Variants in ARID2 observed in about 807,000 individuals in gnomAD.
ARID2 encodes the protein AT-rich interaction domain 2.
A neutral mutation model predicts 184.6 loss-of-function variants in ARID2; 32 were observed. The observed-to-expected ratio is 0.17, with a 90% CI of 0.13 to 0.23. The LOEUF (loss-of-function observed/expected upper bound fraction) is 0.23. Among genes scored for constraint, ARID2 ranks in the 10% least tolerant of loss-of-function variants. The pLI, the probability that ARID2 is intolerant of heterozygous loss-of-function variation, is 1.00. For synonymous variants in ARID2, 836 were observed against 772.6 expected (o/e 1.08, Z -1.36); for missense variants, 1,696 against 2,197.6 (o/e 0.77, Z 4.56).
rs375236203 is a variant in ARID2, at chr12:45,741,860, C to A, written c.284+10546C>A. On this transcript the variant is annotated intron_variant, in intron 3 of 20. Coordinates refer to ENST00000334344, the MANE Select transcript of ARID2 (RefSeq NM_152641.4). ...TACTGGGTTATTTTTTCTTCTAGGG[C>A]CTTTTAGAGAACAGAACTGGGGAAA... Among the ~76,000 whole-genome samples the A allele has an allele frequency of 1.2e-4, 18 of 152,160 alleles. No homozygotes were observed. In the East Asian group the frequency reaches 2.3e-3, roughly 20 times the overall value.
rs1565622779 is a variant in ARID2, at chr12:45,850,774, C to T, written c.2651C>T (p.Pro884Leu). ...TGQMVTIAGV[P>L]SPQASRVGFQ... ...CAAATGGTTACTATTGCTGGTGTCC[C>T]AAGTCCACAAGCCTCAAGGGTAGGG... The change falls in exon 15 of 21, where the codon CCA becomes CTA. Residue 884 changes from proline to leucine, a missense_variant. Physicochemically the swap from Pro to Leu is moderately conservative, Grantham distance 98. This residue lies in a region of ARID2 where 713 missense variants were observed against 824.4 expected (regional missense o/e 0.86). Coordinates refer to ENST00000334344, the MANE Select transcript of ARID2 (RefSeq NM_152641.4). 1.2e-6 allele frequency: 2 copies of T among 1,614,090 alleles called. No homozygotes were observed. Among genetic ancestry groups the T allele is most frequent in the Non-Finnish European group, 1.7e-6 (2 of 1,180,004 alleles).
chr12:45,815,202 T>C (rs1942784796), intron 4 of ARID2, among the ~76,000 whole-genome samples: 2 of 152,210 alleles, frequency 1.3e-5, no homozygotes, highest in South Asian at 4.1e-4. Flanking sequence ...AATATAAAAA[T>C]GTAAATTAAT....
intron 11 of ARID2, 42 bp from the exon 12 acceptor site, chr12:45,846,814 A>G (rs753338236): frequency 3.1e-6 from 5 of 1,590,202 alleles, no homozygotes; most frequent in Non-Finnish European, 4.3e-6. Flanking sequence ...AATAGTGACT[A>G]ACTTTTAAGA....
At chr12:45,882,702 A>G (rs551887788) in intron 16 of ARID2, among the ~76,000 whole-genome samples, 35 of 152,378 alleles carry the variant, frequency 2.3e-4, no homozygotes, top group African/African-American at 8.2e-4. Context: ...ATCAGTAGTT[A>G]GATTGATCAA....
At chr12:45,768,653 G>A (rs978817915) in intron 3 of ARID2, among the ~76,000 whole-genome samples, 1 of 152,174 alleles carries the variant, frequency 6.6e-6, no homozygotes, top group African/African-American at 2.4e-5. Flanking sequence ...GGTAGGTGCA[G>A]TGGAGATAAA....
chr12:45,849,021 C>T (rs1943492437), intron 13 of ARID2, 51 bp downstream of exon 13: 1 of 1,552,658 alleles, frequency 6.4e-7, no homozygotes, highest in South Asian at 1.2e-5. Flanking sequence ...CTTACAACAT[C>T]TCTTGCTCTT....
chr12:45,853,761 G>C (rs1371317372), intron 15 of ARID2, among the ~76,000 whole-genome samples: 1 of 152,162 alleles, frequency 6.6e-6, no homozygotes, highest in African/African-American at 2.4e-5. Context: ...CACAGTTCTG[G>C]CTTGGGCTTC....
intron 11 of ARID2, among the ~76,000 whole-genome samples, chr12:45,846,348 C>T (rs1365071799): frequency 6.6e-6 from 1 of 152,132 alleles, no homozygotes; most frequent in African/African-American, 2.4e-5. Context: ...ATGCCACTTA[C>T]AGAGTTATTA....
chr12:45,872,687 G>A (rs559318693), intron 16 of ARID2, among the ~76,000 whole-genome samples: 2 of 152,192 alleles, frequency 1.3e-5, no homozygotes, highest in East Asian at 3.8e-4. Flanking sequence ...AACCGCATGG[G>A]TGGGGACACA....
chr12:45,851,055 C>G lies in ARID2; in HGVS notation c.2932C>G (p.Pro978Ala), dbSNP rs762144914. Residue 978 changes from proline (P) to alanine (A), a missense_variant, in exon 15 of 21, where the codon CCA becomes GCA. By Grantham distance (27) the Pro-to-Ala change is conservative. Coordinates refer to ENST00000334344, the MANE Select transcript of ARID2 (RefSeq NM_152641.4). ...TCCATCTTCTTCACCATCACCTGTC[C>G]CAGCTACTAATAACCAAGTCCCTAC... The part of the protein sequence containing the change: ...ITPSSSPSPV[P>A]ATNNQVPTAM... 6.2e-7 allele frequency: 1 copy of G among 1,614,148 alleles called. No individual in the cohort carries two copies. The highest frequency in any genetic ancestry group is 8.5e-7 in the Non-Finnish European group (1 of 1,180,014).
At chr12:45,761,824 A>G (rs1383114904) in intron 3 of ARID2, among the ~76,000 whole-genome samples, 3 of 151,518 alleles carry the variant, frequency 2.0e-5, no homozygotes, top group African/African-American at 2.4e-5. Flanking sequence ...TTCTTTGCTT[A>G]TAGAATTCCT....
At chr12:45,796,552 C>T (rs1030752595) in intron 3 of ARID2, among the ~76,000 whole-genome samples, 2 of 151,334 alleles carry the variant, frequency 1.3e-5, no homozygotes, top group Non-Finnish European at 2.9e-5. Context: ...ATTGCTCTGT[C>T]GTCCAGGCTG....
At position 45,729,819 on chromosome 12, in the gene ARID2, A is replaced by G; in HGVS notation, c.-18A>G. 1 of 1,597,562 alleles carries G rather than the reference A, an allele frequency of 6.3e-7. No homozygotes were observed. Among genetic ancestry groups the G allele is most frequent in the Non-Finnish European group, 8.5e-7 (1 of 1,172,326 alleles). ...AAACACCGATCTGGGTTTTTTAAAA[A>G]CCTCCTTTGAAAAAATAATGGCAAA... On this transcript the variant is annotated 5_prime_UTR_variant, in exon 1 of 21. Coordinates refer to ENST00000334344, the MANE Select transcript of ARID2 (RefSeq NM_152641.4).
In ARID2 at chr12:45,837,344, C is replaced by A; in HGVS notation, c.1047C>A (p.Phe349Leu). Reference protein sequence around the residue: ...AAELLLDPVDFKTTHLMFHTV... With the variant: ...AAELLLDPVDLKTTHLMFHTV... ...AGCTTTTACTGGACCCTGTTGATTT[C>A]AAAACTACTCATCTGATGTTTCATA... The change falls in exon 9 of 21, where the codon TTC becomes TTA. Residue 349 changes from phenylalanine (F) to leucine (L), a missense_variant. Physicochemically the swap from Phe to Leu is conservative, Grantham distance 22. Transcript: ENST00000334344. The A allele has an allele frequency of 1.2e-6, 2 of 1,609,950 alleles. No homozygotes were observed. The highest frequency in any genetic ancestry group is 1.1e-5 in the South Asian group (1 of 89,730).
Position 45,767,689 on chromosome 12 carries a change from A to G in ARID2, c.284+36375A>G, listed in dbSNP as rs139905495. The stretch of plus-strand genomic sequence containing the variant: ...TGAAACAAAACAAAACAAAACTCTC[A>G]GTTCTGGGGAGAACGATGGTGTGTG... On this transcript the variant is annotated intron_variant, in intron 3 of 20. Transcript: ENST00000334344. Among the ~76,000 whole-genome samples the G allele has an allele frequency of 7.7e-3, 1,177 of 152,288 alleles. 19 individuals are homozygous for G. The highest frequency in any genetic ancestry group is 0.067 in the South Asian group (325 of 4,820).
At chr12:45,895,995 A>C (rs527471434) in intron 20 of ARID2, among the ~76,000 whole-genome samples, 1 of 152,332 alleles carries the variant, frequency 6.6e-6, no homozygotes, top group East Asian at 1.9e-4. Context: ...TGGAAGACTT[A>C]ATTTAGGTGA....
chr12:45,736,095 G>A (rs1056115987), intron 3 of ARID2, among the ~76,000 whole-genome samples: 4 of 152,016 alleles, frequency 2.6e-5, no homozygotes, highest in Non-Finnish European at 5.9e-5. Flanking sequence ...GGTGGCTCAC[G>A]CCCTGTAATC....
At chr12:45,863,677 C>T (rs1489738595) in intron 16 of ARID2, among the ~76,000 whole-genome samples, 1 of 147,962 alleles carries the variant, frequency 6.8e-6, no homozygotes, top group African/African-American at 2.4e-5. Context: ...TTATTGTAAA[C>T]TGCTTTGTAT....
rs1943555183 is a variant in ARID2, at chr12:45,851,787, G to A, written c.3664G>A (p.Ala1222Thr). The A allele has an allele frequency of 6.2e-7, 1 of 1,614,108 alleles. No individual in the cohort carries two copies. The highest frequency in any genetic ancestry group is 1.3e-5 in the African/African-American group (1 of 75,018). The part of the protein sequence containing the change: ...LPVQTLPATQ[A>T]SPAGQSSCTT... ...AGTACAAACGCTTCCAGCCACTCAAGCATCTCCTGCTGGACAATCATCATG... is the reference window on the plus strand; with the variant it reads ...AGTACAAACGCTTCCAGCCACTCAAACATCTCCTGCTGGACAATCATCATG... The change falls in exon 15 of 21, where the codon GCA becomes ACA. Residue 1222 changes from alanine (A) to threonine (T), a missense_variant. By Grantham distance (58) the Ala-to-Thr change is moderately conservative. Around this residue, in one of 11 missense-constraint regions of ARID2, gnomAD observed 428 missense variants for 409.1 expected, o/e 1.05. Coordinates refer to ENST00000334344, the MANE Select transcript of ARID2 (RefSeq NM_152641.4).
Sources: gnomAD v4.1 joint callset for allele counts (sites outside exome capture counted in the v4.1 genomes callset) on GRCh38, gnomAD v4.1.1 for gene constraint, gnomAD v4.1.1 regional missense constraint, MANE v1.5 for transcripts, NCBI Gene and HGNC (gene_info 2026-07-23, HGNC 2026-07-21) for gene names.